The following PPP1R12A variants were observed in gnomAD, a reference collection of about 807,000 sequenced individuals.
PPP1R12A encodes the protein myosin binding subunit.
A neutral mutation model predicts 139.6 loss-of-function variants in PPP1R12A; 19 were observed. The observed-to-expected ratio is 0.14, with a 90% confidence interval of 0.09 to 0.20. The LOEUF (loss-of-function observed/expected upper bound fraction) is 0.20, where lower values mean the gene tolerates loss of function less well. Ranked by LOEUF, PPP1R12A falls within the 10% of genes least tolerant of loss-of-function variation. The pLI is 1.00. For synonymous variants in PPP1R12A, 427 were observed against 420.6 expected (o/e 1.02, Z -0.19); for missense variants, 925 against 1,211.5 (o/e 0.76, Z 3.51).
chr12:79,804,881 C>G (rs1873633635), intron 14 of PPP1R12A, among the ~76,000 whole-genome samples: 1 of 152,072 alleles, frequency 6.6e-6, no homozygotes, highest in African/African-American at 2.4e-5. Flanking sequence ...ATCTCTGGGT[C>G]TCAGTTTCCT....
intron 1 of PPP1R12A, among the ~76,000 whole-genome samples, chr12:79,914,199 A>AT (rs1021221581): frequency 2.0e-5 from 3 of 151,182 alleles, no homozygotes; most frequent in East Asian, 1.9e-4. Context: ...GGGTTCCTCA[A>AT]TTTTTTTTTA....
At chr12:79,834,330 G>A (rs1026756386) in intron 3 of PPP1R12A, among the ~76,000 whole-genome samples, 2 of 152,166 alleles carry the variant, frequency 1.3e-5, no homozygotes, top group Non-Finnish European at 2.9e-5. Context: ...TGTTTAGAAG[G>A]ACAGGGTCTC....
intron 24 of PPP1R12A, among the ~76,000 whole-genome samples, chr12:79,776,393 T>C (rs1202291048): frequency 1.3e-5 from 2 of 152,116 alleles, no homozygotes; most frequent in Non-Finnish European, 2.9e-5. Flanking sequence ...CTTTTATGTA[T>C]GTCAGACCTA....
intron 1 of PPP1R12A, among the ~76,000 whole-genome samples, chr12:79,932,384 T>A (rs1375389892): frequency 6.6e-6 from 1 of 152,156 alleles, no homozygotes; most frequent in Non-Finnish European, 1.5e-5. Flanking sequence ...GGGAAAAAAG[T>A]ACAAGAGTTG....
Position 79,935,006 on chromosome 12 carries a change from G to C in PPP1R12A, c.-75C>G. 1 of 1,488,072 alleles carries C rather than the reference G, an allele frequency of 6.7e-7. No individual in the cohort carries two copies. The highest frequency in any genetic ancestry group is 9.0e-7 in the Non-Finnish European group (1 of 1,117,198). The allele number at this position is 1,488,072 out of a possible 1,614,324, so 92.2% of individuals were successfully genotyped here. ...GCGGAGAGGGAAGAGAGGGGAGGCA[G>C]GGGGTGTGTGAATGTTTCTATGAGT... On this transcript the variant is annotated 5_prime_UTR_variant, in exon 1 of 25. Coordinates refer to ENST00000450142, the MANE Select transcript of PPP1R12A (RefSeq NM_002480.3).
intron 15 of PPP1R12A, 94 bp from the exon 16 acceptor site, chr12:79,797,489 T>TA: frequency 8.4e-7 from 1 of 1,192,342 alleles, no homozygotes; most frequent in East Asian, 2.6e-5. Flanking sequence ...ACAAATGCAT[T>TA]AAAAGTCAAA....
At chr12:79,866,463 T>C (rs536981142) in intron 2 of PPP1R12A, among the ~76,000 whole-genome samples, 7 of 152,278 alleles carry the variant, frequency 4.6e-5, no homozygotes, top group African/African-American at 1.4e-4. Context: ...AAAGCCAAAA[T>C]TGACAAATGG....
At chr12:79,868,277 C>A (rs1882201212) in intron 2 of PPP1R12A, among the ~76,000 whole-genome samples, 1 of 152,124 alleles carries the variant, frequency 6.6e-6, no homozygotes, top group South Asian at 2.1e-4. Flanking sequence ...GGTTCTTGGG[C>A]TCTAAAATCA....
chr12:79,788,454 C>G (rs1252494365), intron 21 of PPP1R12A, 194 bp downstream of exon 21: 1 of 520,626 alleles, frequency 1.9e-6, no homozygotes, highest in South Asian at 3.2e-5. Context: ...AATGTAAAAT[C>G]ATCTTGGATG....
chr12:79,915,637 T>C (rs1381318700), intron 1 of PPP1R12A, among the ~76,000 whole-genome samples: 2 of 152,304 alleles, frequency 1.3e-5, no homozygotes, highest in East Asian at 3.9e-4. Context: ...TTTAAATTAA[T>C]ACCCATTATC....
intron 11 of PPP1R12A, 28 bp from the exon 12 acceptor site, chr12:79,807,358 G>T: frequency 1.5e-6 from 2 of 1,355,428 alleles, no homozygotes; most frequent in Non-Finnish European, 2.1e-6. Flanking sequence ...TTCAGATTCT[G>T]GTACATAATT....
chr12:79,860,595 T>C (rs1369359713), intron 2 of PPP1R12A, among the ~76,000 whole-genome samples: 2 of 152,336 alleles, frequency 1.3e-5, no homozygotes, highest in East Asian at 3.9e-4. Flanking sequence ...AATAATACTT[T>C]TATTAGCAAA....
chr12:79,834,678 G>C (rs1222628875), intron 3 of PPP1R12A, among the ~76,000 whole-genome samples: 1 of 152,184 alleles, frequency 6.6e-6, no homozygotes, highest in Non-Finnish European at 1.5e-5. Context: ...CAAATATCTA[G>C]TCAGAGATAT....
chr12:79,869,161 G>C (rs760578818), intron 2 of PPP1R12A, among the ~76,000 whole-genome samples: 4 of 152,052 alleles, frequency 2.6e-5, no homozygotes, highest in Non-Finnish European at 5.9e-5. Context: ...AATTATTTTG[G>C]TGAAAAGGTG....
At chr12:79,903,269 T>G (rs1378918223) in intron 1 of PPP1R12A, among the ~76,000 whole-genome samples, 1 of 151,846 alleles carries the variant, frequency 6.6e-6, no homozygotes, top group African/African-American at 2.4e-5. Flanking sequence ...TGGCCAACAT[T>G]GTGAAACCCC....
At chr12:79,919,576 TC>T (rs1887278374) in intron 1 of PPP1R12A, among the ~76,000 whole-genome samples, 1 of 151,320 alleles carries the variant, frequency 6.6e-6, no homozygotes. Context: ...AAAAGTCTTC[TC>T]CCCTCCCCCA....
At chr12:79,784,378 G>C (rs192102394) in intron 22 of PPP1R12A, among the ~76,000 whole-genome samples, 1 of 152,122 alleles carries the variant, frequency 6.6e-6, no homozygotes, top group Admixed American at 6.6e-5. Flanking sequence ...AACAGAAATT[G>C]GTACCTGACC....
intron 1 of PPP1R12A, among the ~76,000 whole-genome samples, chr12:79,903,987 C>T (rs1885876212): frequency 1.3e-5 from 2 of 151,962 alleles, no homozygotes; most frequent in African/African-American, 4.8e-5. Context: ...AAAGTGTATC[C>T]CTTTTTCACT....
intron 1 of PPP1R12A, among the ~76,000 whole-genome samples, chr12:79,915,097 T>C (rs933175588): frequency 2.0e-5 from 3 of 152,138 alleles, no homozygotes; most frequent in African/African-American, 7.2e-5. Context: ...TCTAACACTG[T>C]AGGTAAGTAT....
Sources: allele counts gnomAD v4.1 joint callset (sites outside exome capture counted in the v4.1 genomes callset), GRCh38; gene constraint gnomAD v4.1.1; transcripts MANE v1.5; gene names NCBI Gene and HGNC (gene_info 2026-07-23, HGNC 2026-07-21).